The following SNX3 variants were observed in gnomAD, a reference collection of about 807,000 sequenced individuals.
The protein encoded by SNX3 is sorting nexin 3, also known as sorting nexin-3.
SNX3 carries 5 observed loss-of-function variants against 17.7 expected under a neutral mutation model. That is an observed-to-expected ratio of 0.28 (90% CI 0.15 to 0.59). The LOEUF is 0.59. Ranked by LOEUF, SNX3 falls within the 20% of genes least tolerant of loss-of-function variation. The pLI is 0.88. For missense variants in SNX3, 132 were observed against 206.8 expected, an observed-to-expected ratio of 0.64 and a Z score of 2.22; for synonymous variants, 91 against 76.5, an observed-to-expected ratio of 1.19 and a Z score of -0.99.
At chr6:108,244,655 T>G (rs924221931) in intron 1 of SNX3, among the ~76,000 whole-genome samples, 1 of 143,400 alleles carries the variant, frequency 7.0e-6, no homozygotes, top group African/African-American at 2.6e-5. Context: ...GAGTTTTTTT[T>G]TTTTTTTTTT....
chr6:108,212,396 G>C (rs1456113384), intron 3 of SNX3, 142 bp from the exon 4 acceptor site: 1 of 583,786 alleles, frequency 1.7e-6, no homozygotes, highest in African/African-American at 2.0e-5. Flanking sequence ...CTGGAGTGCA[G>C]TGGCTGATCT....
At chr6:108,243,271 G>A (rs1336945322) in intron 1 of SNX3, among the ~76,000 whole-genome samples, 1 of 151,968 alleles carries the variant, frequency 6.6e-6, no homozygotes, top group Non-Finnish European at 1.5e-5. Context: ...GCACCTGGCT[G>A]GGGGTGTTCT....
chr6:108,256,695 T>C (rs925247233), intron 1 of SNX3, among the ~76,000 whole-genome samples: 9 of 152,208 alleles, frequency 5.9e-5, no homozygotes, highest in African/African-American at 1.9e-4. Context: ...CCAGGTAAAA[T>C]AGATCTTGAT....
chr6:108,211,897 T>A lies in SNX3; in HGVS notation c.*252A>T, dbSNP rs889502912. Reference sequence around the variant, plus strand: ...AGATTACACTGGAATAACAGGTTTGTGAGGCTATAGTGTGCACCACATTAA... The same window carrying A: ...AGATTACACTGGAATAACAGGTTTGAGAGGCTATAGTGTGCACCACATTAA... On this transcript the variant is annotated 3_prime_UTR_variant, in exon 4 of 4. Transcript: ENST00000230085. 1.0e-5 allele frequency: 3 copies of A among 293,894 alleles called. No homozygotes were observed. Among genetic ancestry groups the A allele is most frequent in the African/African-American group, 6.7e-5 (3 of 44,550 alleles). 18.2% of individuals were successfully genotyped at this position (293,894 alleles called of 1,614,324 possible). A position where few individuals can be genotyped will look rare whatever the true frequency, so the allele number is the denominator to read the frequency against.
chr6:108,240,948 C>A (rs984182673), intron 1 of SNX3, among the ~76,000 whole-genome samples: 1 of 151,716 alleles, frequency 6.6e-6, no homozygotes, highest in Non-Finnish European at 1.5e-5. Context: ...CGAGACCACC[C>A]TGGCCAACAC....
chr6:108,257,864 T>C (rs1451740762), intron 1 of SNX3, among the ~76,000 whole-genome samples: 1 of 151,894 alleles, frequency 6.6e-6, no homozygotes, highest in African/African-American at 2.4e-5. Context: ...CTTGGGCGGC[T>C]GAGGCAGGAG....
intron 1 of SNX3, among the ~76,000 whole-genome samples, chr6:108,228,122 C>T (rs2114724434): frequency 1.3e-5 from 2 of 152,188 alleles, no homozygotes; most frequent in South Asian, 4.1e-4. Context: ...GTTAAAAATA[C>T]TACAAACTGG....
At chr6:108,215,444 ATAACTC>A (rs1269019161) in intron 2 of SNX3, among the ~76,000 whole-genome samples, 5 of 152,290 alleles carry the variant, frequency 3.3e-5, no homozygotes, top group Admixed American at 3.3e-4. Flanking sequence ...CAAAATACCA[ATAACTC>A]TAGTTGTCAC....
At chr6:108,248,173 G>GGC (rs1775748826) in intron 1 of SNX3, among the ~76,000 whole-genome samples, 1 of 151,950 alleles carries the variant, frequency 6.6e-6, no homozygotes. Flanking sequence ...ACACACTCCT[G>GGC]GCCCCTCAGG....
At chr6:108,239,019 G>C (rs143432776) in intron 1 of SNX3, among the ~76,000 whole-genome samples, 2 of 151,604 alleles carry the variant, frequency 1.3e-5, no homozygotes, top group African/African-American at 2.4e-5. Context: ...TCCTATGTCA[G>C]CCTCCCGAGT....
rs867943927 is a variant in SNX3, at chr6:108,236,476, T to C, written c.163-13431A>G. Reference sequence around the variant, plus strand: ...TCGGCTCACTGCAAGCTCCGCCTCCTGGGTTCACGCCATTCTCCTGCCTCA... The same window carrying C: ...TCGGCTCACTGCAAGCTCCGCCTCCCGGGTTCACGCCATTCTCCTGCCTCA... On this transcript the variant is annotated intron_variant, in intron 1 of 3. Transcript: ENST00000230085. 3.4e-3 allele frequency among the ~76,000 whole-genome samples: 502 copies of C among 148,860 alleles called. 4 individuals carry two copies. The highest frequency in any genetic ancestry group is 0.014 in the Admixed American group (202 of 14,954).
At chr6:108,237,232 T>A (rs1005779115) in intron 1 of SNX3, among the ~76,000 whole-genome samples, 3 of 152,316 alleles carry the variant, frequency 2.0e-5, no homozygotes, top group Non-Finnish European at 4.4e-5. Flanking sequence ...GTTCTTTTCC[T>A]CATAATTTAA....
intron 1 of SNX3, among the ~76,000 whole-genome samples, chr6:108,256,515 A>C (rs1313838944): frequency 2.6e-5 from 4 of 152,240 alleles, no homozygotes; most frequent in Non-Finnish European, 5.9e-5. Flanking sequence ...TATCCCATTT[A>C]GTCCTAAGAG....
rs979682851 is a variant in SNX3 at position 108,251,102 on chromosome 6, T to C, written c.162+9658A>G. ...AAAAAAAAGGTTAATCAACTACCTT[T>C]AGAATCTCTAGCCCAATCTCAAGGT... On this transcript the variant is annotated intron_variant, in intron 1 of 3. Coordinates refer to ENST00000230085, the MANE Select transcript of SNX3 (RefSeq NM_003795.6). Among the ~76,000 whole-genome samples the C allele has an allele frequency of 1.3e-5, 2 of 152,172 alleles. 1 individual carries two copies. The highest frequency in any genetic ancestry group is 2.9e-5 in the Non-Finnish European group (2 of 68,030).
At chr6:108,220,720 G>A (rs1774736506) in intron 2 of SNX3, among the ~76,000 whole-genome samples, 3 of 152,272 alleles carry the variant, frequency 2.0e-5, no homozygotes, top group East Asian at 3.9e-4. Flanking sequence ...GCTCACACCT[G>A]TAATCCCAGC....
At chr6:108,227,908 T>C (rs753805500) in intron 1 of SNX3, among the ~76,000 whole-genome samples, 1 of 152,050 alleles carries the variant, frequency 6.6e-6, no homozygotes, top group Non-Finnish European at 1.5e-5. Context: ...TTAACTTTCA[T>C]AAAATGATTG....
At chr6:108,224,568 C>T (rs1774919315) in intron 1 of SNX3, among the ~76,000 whole-genome samples, 1 of 152,186 alleles carries the variant, frequency 6.6e-6, no homozygotes, top group South Asian at 2.1e-4. Context: ...GCGTGAGCCA[C>T]CACACCTGGC....
intron 2 of SNX3, among the ~76,000 whole-genome samples, chr6:108,218,898 G>C (rs1387129472): frequency 6.6e-6 from 1 of 152,174 alleles, no homozygotes; most frequent in African/African-American, 2.4e-5. Flanking sequence ...ATGGGGACAG[G>C]GTTTCTTTTA....
At chr6:108,222,682 A>G (rs764935058) in intron 2 of SNX3, among the ~76,000 whole-genome samples, 1 of 152,196 alleles carries the variant, frequency 6.6e-6, no homozygotes. Flanking sequence ...ACGATGAGGG[A>G]AAGGAAGGAA....
Sources: gnomAD v4.1 joint callset for allele counts (sites outside exome capture counted in the v4.1 genomes callset) on GRCh38, gnomAD v4.1.1 for gene constraint, MANE v1.5 for transcripts, NCBI Gene and HGNC (gene_info 2026-07-23, HGNC 2026-07-21) for gene names.